The following FAM91A1 variants were observed in gnomAD, a reference collection of about 807,000 sequenced individuals.
FAM91A1 encodes the protein protein FAM91A1.
In FAM91A1, 41 loss-of-function variants were observed where a neutral mutation model predicts 113.5. The observed-to-expected ratio is 0.36, with a 90% CI of 0.28 to 0.47. The LOEUF is 0.47. FAM91A1 is among the 20% of genes least tolerant of loss of function. The pLI, the probability that FAM91A1 is intolerant of heterozygous loss-of-function variation, is 1.00. For synonymous variants in FAM91A1, 307 were observed against 347.9 expected, an observed-to-expected ratio of 0.88 and a Z score of 1.31; for missense variants, 696 against 1,001.2, an observed-to-expected ratio of 0.70 and a Z score of 4.11.
In FAM91A1 at chr8:123,799,899, A is replaced by G. The variant is rs754999271; in HGVS notation, c.1809+14A>G. The G allele has an allele frequency of 6.5e-7, 1 of 1,547,648 alleles. No homozygotes were observed. The highest frequency in any genetic ancestry group is 8.8e-7 in the Non-Finnish European group (1 of 1,141,562). On this transcript the variant is annotated intron_variant, in intron 18 of 23. Transcript: ENST00000334705. ...GTTTTAATTCAGGTACATTTATCTTATTTGAAATTTTGTCTTTTTATTATA... is the reference window on the plus strand; with the variant it reads ...GTTTTAATTCAGGTACATTTATCTTGTTTGAAATTTTGTCTTTTTATTATA...
At chr8:123,806,586 C>G (rs1815818963) in intron 20 of FAM91A1, among the ~76,000 whole-genome samples, 1 of 152,066 alleles carries the variant, frequency 6.6e-6, no homozygotes, top group Admixed American at 6.6e-5. Context: ...TCAACTTTTT[C>G]TGTCAAAAGG....
chr8:123,795,582 C>T (rs1366506210), intron 15 of FAM91A1, among the ~76,000 whole-genome samples: 2 of 152,194 alleles, frequency 1.3e-5, no homozygotes, highest in Non-Finnish European at 2.9e-5. Flanking sequence ...CCTGTACAGC[C>T]TGCAGAACCA....
At chr8:123,770,192 C>T (rs56045431) in intron 1 of FAM91A1, among the ~76,000 whole-genome samples, 2 of 152,178 alleles carry the variant, frequency 1.3e-5, no homozygotes, top group Admixed American at 1.3e-4. Flanking sequence ...ACCTCATGAT[C>T]CGCCCGTCTC....
rs145578903 is a variant in FAM91A1, at chr8:123,810,365, A to G, written c.2331+14A>G. 4.5e-4 allele frequency: 723 copies of G among 1,612,524 alleles called. 3 individuals carry two copies. In the African/African-American group the frequency reaches 8.7e-3, roughly 19 times the overall value. The stretch of plus-strand genomic sequence containing the variant: ...CACTCATTCCAGGTAACAAAAACCA[A>G]AAAGTCCAAATGGTACTTGTACTGA... On this transcript the variant is annotated intron_variant, in intron 23 of 23. Coordinates refer to ENST00000334705, the MANE Select transcript of FAM91A1 (RefSeq NM_144963.4).
intron 8 of FAM91A1, among the ~76,000 whole-genome samples, chr8:123,781,493 T>TTTTTG (rs1328074922): frequency 6.6e-6 from 1 of 151,204 alleles, no homozygotes; most frequent in Non-Finnish European, 1.5e-5. Context: ...TTTTTTTTTT[T>TTTTTG]TTGAGACGGA....
chr8:123,812,182 G>GTTTT, intron 23 of FAM91A1: 2 of 152,994 alleles, frequency 1.3e-5, no homozygotes, highest in African/African-American at 2.5e-5. Flanking sequence ...GCCTTTGTAA[G>GTTTT]TTTTTTTTTT....
chr8:123,787,945 A>AT (rs1321802977), intron 14 of FAM91A1, among the ~76,000 whole-genome samples, 195 bp downstream of exon 14: 10 of 152,174 alleles, frequency 6.6e-5, no homozygotes, highest in Non-Finnish European at 1.5e-4. Context: ...TGATTTTGTG[A>AT]TTTTTAAAGT....
chr8:123,796,325 C>T (rs886671635), intron 15 of FAM91A1, among the ~76,000 whole-genome samples: 2 of 152,158 alleles, frequency 1.3e-5, no homozygotes, highest in Non-Finnish European at 2.9e-5. Flanking sequence ...TGAAAGCCAT[C>T]AAGCCTAAAA....
chr8:123,789,843 T>C, intron 15 of FAM91A1, 98 bp downstream of exon 15: 1 of 1,377,294 alleles, frequency 7.3e-7, no homozygotes, highest in South Asian at 1.4e-5. Context: ...ATCACTTACG[T>C]ATTTTGTGTA....
chr8:123,781,381 G>A (rs572078122), intron 8 of FAM91A1, among the ~76,000 whole-genome samples: 6 of 151,954 alleles, frequency 3.9e-5, no homozygotes, highest in African/African-American at 1.4e-4. Flanking sequence ...GTTGAATCTT[G>A]ACAAGATATC....
intron 12 of FAM91A1, 67 bp downstream of exon 12, chr8:123,786,677 T>C: frequency 8.7e-7 from 1 of 1,145,742 alleles, no homozygotes. Context: ...ACATACACTC[T>C]TACAGTTACC....
chr8:123,801,096 A>G (rs991276713), intron 18 of FAM91A1, among the ~76,000 whole-genome samples: 1 of 152,194 alleles, frequency 6.6e-6, no homozygotes, highest in Non-Finnish European at 1.5e-5. Flanking sequence ...CATTTAAGGA[A>G]CTGCCAGACT....
At chr8:123,809,264 G>T (rs1815890913) in intron 22 of FAM91A1, among the ~76,000 whole-genome samples, 1 of 152,144 alleles carries the variant, frequency 6.6e-6, no homozygotes, top group African/African-American at 2.4e-5. Flanking sequence ...AGTAATCTAG[G>T]TGAGGTGAGG....
chr8:123,776,017 G>A (rs983981766), intron 3 of FAM91A1, among the ~76,000 whole-genome samples: 3 of 152,094 alleles, frequency 2.0e-5, no homozygotes, highest in African/African-American at 7.2e-5. Flanking sequence ...TTCACTAACT[G>A]TCTAAAGAAT....
In FAM91A1 at chr8:123,810,341, A is replaced by G. The variant is rs372922307; in HGVS notation, c.2321A>G (p.His774Arg). ...TCTCTGCAAGTCCTTAACTTTGTTC[A>G]CTCATTCCAGGTAACAAAAACCAAA... ...KLSLQVLNFV[H>R]SFQEGASILD... is the part of the protein sequence containing the mutation. Residue 774 changes from histidine (H) to arginine (R), a missense_variant, in exon 23 of 24, where the codon CAC becomes CGC. Transcript: ENST00000334705. 3.2e-5 allele frequency: 52 copies of G among 1,613,132 alleles called. No individual in the cohort carries two copies. In the East Asian group the frequency reaches 7.8e-4, roughly 24 times the overall value.
intron 1 of FAM91A1, among the ~76,000 whole-genome samples, chr8:123,769,944 A>ATTTATT (rs541382270): frequency 2.0e-5 from 3 of 150,402 alleles, no homozygotes; most frequent in Non-Finnish European, 4.4e-5. Context: ...AGGATTATTT[A>ATTTATT]TTTATTTTTA....
At chr8:123,790,944 A>G (rs1815368648) in intron 15 of FAM91A1, among the ~76,000 whole-genome samples, 1 of 152,242 alleles carries the variant, frequency 6.6e-6, no homozygotes, top group Non-Finnish European at 1.5e-5. Flanking sequence ...TTGGTTAATA[A>G]ATACTAAATC....
At position 123,785,088 on chromosome 8, in the gene FAM91A1, A is replaced by C; in HGVS notation, c.818A>C (p.Asn273Thr). Residue 273 changes from asparagine (N) to threonine (T), a missense_variant, in exon 10 of 24, where the codon AAT becomes ACT. Physicochemically the swap from Asn to Thr is moderately conservative, Grantham distance 65. Transcript: ENST00000334705. ...TTTAATTTTATCTTCTAGCTTGCAAATGTCCTTGAGATTGACTTATCCCTG... is the reference window on the plus strand; with the variant it reads ...TTTAATTTTATCTTCTAGCTTGCAACTGTCCTTGAGATTGACTTATCCCTG... The part of the protein sequence containing the change: ...DEHTNVAELA[N>T]VLEIDLSLVK... 6.3e-7 allele frequency: 1 copy of C among 1,589,754 alleles called. No homozygotes were observed. The highest frequency in any genetic ancestry group is 8.5e-7 in the Non-Finnish European group (1 of 1,170,466).
intron 5 of FAM91A1, 35 bp from the exon 6 acceptor site, chr8:123,778,620 TTTTA>T: frequency 6.9e-7 from 1 of 1,453,370 alleles, no homozygotes; most frequent in African/African-American, 1.4e-5. Flanking sequence ...AAAGTGGTAG[TTTTA>T]GATTGCAAAT....
Sources: allele counts gnomAD v4.1 joint callset (sites outside exome capture counted in the v4.1 genomes callset), GRCh38; gene constraint gnomAD v4.1.1; transcripts MANE v1.5; gene names NCBI Gene and HGNC (gene_info 2026-07-23, HGNC 2026-07-21).